CGNL1: variants seen among roughly 807,000 people sequenced by gnomAD.
CGNL1 encodes the protein cingulin-like protein 1.
CGNL1 carries 132 observed loss-of-function variants against 141.2 expected under a neutral mutation model. The ratio of observed to expected loss-of-function variants is 0.93; its 90% confidence interval spans 0.81 to 1.08. The LOEUF is 1.08. Ranked by LOEUF, CGNL1 falls within the 50% of genes least tolerant of loss-of-function variation. The pLI, the probability that CGNL1 is intolerant of heterozygous loss-of-function variation, is 0.00. For synonymous variants in CGNL1, 690 were observed against 622.1 expected (o/e 1.11, Z -1.63); for missense variants, 1,870 against 1,588.6 (o/e 1.18, Z -3.01).
At chr15:57,526,330 C>A (rs1334542763) in intron 12 of CGNL1, among the ~76,000 whole-genome samples, 1 of 152,110 alleles carries the variant, frequency 6.6e-6, no homozygotes, top group African/African-American at 2.4e-5. Context: ...GAGATACCAC[C>A]CTTGACTAAG....
intron 8 of CGNL1, among the ~76,000 whole-genome samples, chr15:57,496,775 T>C (rs2063944881): frequency 6.6e-6 from 1 of 152,160 alleles, no homozygotes; most frequent in Admixed American, 6.5e-5. Flanking sequence ...GGAGCCCCTG[T>C]TTCCTAATCA....
intron 1 of CGNL1, among the ~76,000 whole-genome samples, chr15:57,415,756 A>T (rs1437145605): frequency 6.6e-6 from 1 of 152,166 alleles, no homozygotes; most frequent in African/African-American, 2.4e-5. Context: ...GTTCTTGGTA[A>T]ATGTCTGTGG....
At chr15:57,474,593 G>T (rs1169225836) in intron 8 of CGNL1, among the ~76,000 whole-genome samples, 2 of 152,142 alleles carry the variant, frequency 1.3e-5, no homozygotes, top group African/African-American at 4.8e-5. Context: ...GACAGGTCAG[G>T]GTTTTAAACC....
chr15:57,463,302 A>T (rs891271365), intron 8 of CGNL1, among the ~76,000 whole-genome samples: 11 of 152,234 alleles, frequency 7.2e-5, no homozygotes, highest in African/African-American at 2.7e-4. Context: ...GATACATGGT[A>T]GGTGAAAGGA....
chr15:57,385,408 GC>G (rs770224497), intron 1 of CGNL1, among the ~76,000 whole-genome samples: 3 of 152,204 alleles, frequency 2.0e-5, no homozygotes, highest in Non-Finnish European at 4.4e-5. Context: ...GGGGGCGCAT[GC>G]CTGCATTCCC....
intron 8 of CGNL1, among the ~76,000 whole-genome samples, chr15:57,472,044 T>G (rs578007399): frequency 6.6e-6 from 1 of 151,908 alleles, no homozygotes; most frequent in Non-Finnish European, 1.5e-5. Context: ...TTGAGTCCAG[T>G]TGGGTAAGAG....
Position 57,531,734 on chromosome 15 carries a change from C to T in CGNL1, c.3246C>T (p.Asn1082=), listed in dbSNP as rs754680119. Residue 1082 remains asparagine, a synonymous_variant, in exon 14 of 19, where the codon AAC becomes AAT. Transcript: ENST00000281282. ...AGATGGAACTGGAAGAAGAGAGAAACAACTCAGATTTGCTGTCTGAGAGGA... is the reference window on the plus strand; with the variant it reads ...AGATGGAACTGGAAGAAGAGAGAAATAACTCAGATTTGCTGTCTGAGAGGA... ...QLEMELEEER[N]NSDLLSERIS... is the part of the protein sequence containing the mutation. The T allele has an allele frequency of 1.2e-6, 2 of 1,613,214 alleles. No individual in the cohort carries two copies. The highest frequency in any genetic ancestry group is 1.7e-6 in the Non-Finnish European group (2 of 1,179,220).
intron 1 of CGNL1, among the ~76,000 whole-genome samples, chr15:57,414,361 G>A (rs977197605): frequency 3.3e-5 from 5 of 152,176 alleles, no homozygotes; most frequent in Non-Finnish European, 5.9e-5. Context: ...TCTGAGAGTC[G>A]AGGATCCCAT....
rs1471320190 is a variant in CGNL1, at chr15:57,447,189, A to G, written c.1804-4311A>G. 2.0e-5 allele frequency among the ~76,000 whole-genome samples: 3 copies of G among 152,190 alleles called. No homozygotes were observed. In the South Asian group the frequency reaches 6.2e-4, roughly 32 times the overall value. On this transcript the variant is annotated intron_variant, in intron 4 of 18. Transcript: ENST00000281282. ...TATTTATGTCTTAGCATCTCTCAGC[A>G]GCGTTCCGTCATTTTTGTTAGAGAG...
chr15:57,445,961 T>A (rs1260464439), intron 4 of CGNL1, among the ~76,000 whole-genome samples: 1 of 152,214 alleles, frequency 6.6e-6, no homozygotes, highest in Non-Finnish European at 1.5e-5. Flanking sequence ...CTCTTCATTA[T>A]GGAAATGTAA....
In CGNL1 at chr15:57,547,800, C is replaced by G; in HGVS notation, c.*310C>G. On this transcript the variant is annotated 3_prime_UTR_variant, in exon 19 of 19. Transcript: ENST00000281282. ...GCCACTATTTGCATTGCTGTCCCTG[C>G]CCCCTCATCACTCCCCCTGCCAAGA... The G allele has an allele frequency of 3.3e-6, 1 of 305,994 alleles. No individual in the cohort carries two copies. The highest frequency in any genetic ancestry group is 6.0e-6 in the Non-Finnish European group (1 of 166,182). The allele number at this position is 305,994 out of a possible 1,614,324, so 19.0% of individuals were successfully genotyped here. A position where few individuals can be genotyped will look rare whatever the true frequency, so the allele number is the denominator to read the frequency against.
At chr15:57,464,288 T>C (rs1181495815) in intron 8 of CGNL1, among the ~76,000 whole-genome samples, 1 of 152,160 alleles carries the variant, frequency 6.6e-6, no homozygotes, top group African/African-American at 2.4e-5. Flanking sequence ...TGGGCCCATG[T>C]TGCTAGATCT....
chr15:57,436,195 A>G (rs1322591913), intron 1 of CGNL1, among the ~76,000 whole-genome samples: 1 of 152,150 alleles, frequency 6.6e-6, no homozygotes, highest in Non-Finnish European at 1.5e-5. Context: ...CTAACAGAAC[A>G]TTGATTTTGT....
At chr15:57,491,109 C>G (rs893640773) in intron 8 of CGNL1, among the ~76,000 whole-genome samples, 4 of 152,024 alleles carry the variant, frequency 2.6e-5, no homozygotes, top group African/African-American at 9.7e-5. Context: ...CTAAGGAAAG[C>G]TGAATAAAGT....
intron 7 of CGNL1, among the ~76,000 whole-genome samples, chr15:57,456,432 C>A (rs2063379618): frequency 6.6e-6 from 1 of 151,700 alleles, no homozygotes; most frequent in Non-Finnish European, 1.5e-5. Flanking sequence ...AAGGAATAGG[C>A]TGCTCTGTCT....
chr15:57,496,350 A>G (rs982746191), intron 8 of CGNL1, among the ~76,000 whole-genome samples: 1 of 152,156 alleles, frequency 6.6e-6, no homozygotes, highest in Non-Finnish European at 1.5e-5. Flanking sequence ...CCCTCAGGCC[A>G]TGGACTGGTA....
chr15:57,524,506 G>A (rs748174293), intron 11 of CGNL1, 75 bp from the exon 12 acceptor site: 1 of 1,309,828 alleles, frequency 7.6e-7, no homozygotes, highest in East Asian at 2.3e-5. Context: ...GAGATGTGCT[G>A]TGTGTTGAAA....
chr15:57,477,147 C>T (rs933524772), intron 8 of CGNL1, among the ~76,000 whole-genome samples: 24 of 151,492 alleles, frequency 1.6e-4, no homozygotes, highest in Admixed American at 5.2e-4. Context: ...AAAGGCTGGA[C>T]GTGCTTCAAA....
At chr15:57,395,704 C>G (rs1270051476) in intron 1 of CGNL1, among the ~76,000 whole-genome samples, 5 of 152,242 alleles carry the variant, frequency 3.3e-5, no homozygotes, top group Non-Finnish European at 5.9e-5. Flanking sequence ...ACGCTATGTG[C>G]ATTGCCTAAT....
Sources: gnomAD v4.1 joint callset for allele counts (sites outside exome capture counted in the v4.1 genomes callset) on GRCh38, gnomAD v4.1.1 for gene constraint, MANE v1.5 for transcripts, NCBI Gene and HGNC (gene_info 2026-07-23, HGNC 2026-07-21) for gene names.